CCDC150: variants seen among roughly 807,000 people sequenced by gnomAD.
CCDC150 encodes coiled-coil domain-containing protein 150.
A neutral mutation model predicts 156.5 loss-of-function variants in CCDC150; 151 were observed. The observed-to-expected ratio is 0.97, with a 90% CI of 0.85 to 1.10. CCDC150 has a LOEUF of 1.10. CCDC150 is among the 50% of genes least tolerant of loss of function. The probability of loss-of-function intolerance (pLI) is 0.00; values close to 1 mark genes in which losing one functional copy is unlikely to be tolerated. For synonymous variants in CCDC150, 452 were observed against 429.4 expected (o/e 1.05, Z -0.65); for missense variants, 1,312 against 1,268.1 (o/e 1.03, Z -0.53).
intron 13 of CCDC150, among the ~76,000 whole-genome samples, chr2:196,687,844 A>G (rs1695208074): frequency 6.6e-6 from 1 of 152,064 alleles, no homozygotes; most frequent in South Asian, 2.1e-4. Context: ...AGTCCCATTT[A>G]TTTAACAGGG....
intron 1 of CCDC150, among the ~76,000 whole-genome samples, chr2:196,641,432 T>C (rs1692225250): frequency 6.6e-6 from 1 of 152,200 alleles, no homozygotes; most frequent in South Asian, 2.1e-4. Context: ...TTCTGGGCCT[T>C]TCTGCCCTCT....
chr2:196,714,252 A>C (rs745342902), intron 17 of CCDC150, among the ~76,000 whole-genome samples: 11 of 152,320 alleles, frequency 7.2e-5, no homozygotes, highest in Non-Finnish European at 1.5e-4. Context: ...AAACGATGAA[A>C]GAACTCCATA....
intron 15 of CCDC150, among the ~76,000 whole-genome samples, chr2:196,704,455 A>T (rs1696454744): frequency 6.6e-6 from 1 of 152,166 alleles, no homozygotes; most frequent in African/African-American, 2.4e-5. Context: ...AATTCTTAGG[A>T]GTAGAATTAC....
intron 7 of CCDC150, among the ~76,000 whole-genome samples, chr2:196,668,446 T>G (rs959951429): frequency 2.6e-5 from 4 of 152,180 alleles, no homozygotes; most frequent in African/African-American, 9.6e-5. Context: ...CTTGTTGGAT[T>G]AATGCTTTAT....
rs764312731 is a variant in CCDC150 at position 196,729,251 on chromosome 2, G to A, written c.2615G>A (p.Arg872Gln). 61 of 1,613,716 alleles carry A rather than the reference G, an allele frequency of 3.8e-5. No individual in the cohort carries two copies. Among genetic ancestry groups the A allele is most frequent in the East Asian group, 8.9e-5 (4 of 44,886 alleles). ...FRSVEVSRTN[R>Q]ELRQKLAELE... is the part of the protein sequence containing the mutation. The stretch of plus-strand genomic sequence containing the variant: ...TCAGTGGAAGTGTCCCGGACCAACC[G>A]AGAGCTGCGACAGAAACTTGCAGAG... The change falls in exon 23 of 28, where the codon CGA (arginine) becomes CAA (glutamine). Residue 872 changes from arginine to glutamine, a missense_variant. Transcript: ENST00000389175.
At chr2:196,644,741 T>G (rs1407708357) in intron 1 of CCDC150, among the ~76,000 whole-genome samples, 1 of 152,058 alleles carries the variant, frequency 6.6e-6, no homozygotes, top group African/African-American at 2.4e-5. Flanking sequence ...ATCTAAAGAA[T>G]GCAAAAAGCT....
chr2:196,652,044 A>G (rs991598990), intron 2 of CCDC150, among the ~76,000 whole-genome samples: 1 of 152,168 alleles, frequency 6.6e-6, no homozygotes, highest in Non-Finnish European at 1.5e-5. Context: ...CAAGCCGTTC[A>G]TGAGGGATCT....
In CCDC150 at chr2:196,672,429, A is replaced by G. The variant is rs539785078; in HGVS notation, c.1021A>G (p.Lys341Glu). Residue 341 changes from lysine (K) to glutamate (E), a missense_variant, in exon 9 of 28, where the codon AAA becomes GAA. Physicochemically the swap from Lys to Glu is moderately conservative, Grantham distance 56. Coordinates refer to ENST00000389175, the MANE Select transcript of CCDC150 (RefSeq NM_001080539.2). ...EIMSLHEASE[K>E]AQVLNDQLTK... ...AATGTCTCTTCATGAAGCATCAGAA[A>G]AAGCACAAGTAAATGCTCATGATTT... 121 of 1,503,898 alleles carry G rather than the reference A, an allele frequency of 8.0e-5. No homozygotes were observed. Among genetic ancestry groups the G allele is most frequent in the Non-Finnish European group, 1.0e-4 (118 of 1,124,126 alleles). The allele number at this position is 1,503,898 out of a possible 1,614,324, so 93.2% of individuals were successfully genotyped here.
intron 22 of CCDC150, 131 bp from the exon 23 acceptor site, chr2:196,729,062 A>G: frequency 1.3e-6 from 1 of 788,122 alleles, no homozygotes; most frequent in South Asian, 1.9e-5. Context: ...GCTTAATCAG[A>G]CATTATTATT....
intron 2 of CCDC150, among the ~76,000 whole-genome samples, chr2:196,653,537 C>T (rs1245510691): frequency 3.3e-5 from 5 of 152,194 alleles, no homozygotes; most frequent in South Asian, 2.1e-4. Context: ...TCATTTTCAT[C>T]TGAGACCTCA....
At chr2:196,653,122 A>G (rs752406351) in intron 2 of CCDC150, among the ~76,000 whole-genome samples, 3 of 152,186 alleles carry the variant, frequency 2.0e-5, no homozygotes, top group Non-Finnish European at 4.4e-5. Flanking sequence ...CCTTTTTCCC[A>G]TTGCGTTGGC....
intron 17 of CCDC150, among the ~76,000 whole-genome samples, chr2:196,714,868 T>C (rs1010760893): frequency 2.0e-5 from 3 of 152,210 alleles, no homozygotes; most frequent in Admixed American, 6.5e-5. Context: ...TCTTGTATAC[T>C]TTTCTAGAAC....
chr2:196,718,419 T>G, intron 17 of CCDC150, 84 bp from the exon 18 acceptor site: 1 of 1,090,362 alleles, frequency 9.2e-7, no homozygotes. Context: ...TATTTAAACA[T>G]TTAAAATTTG....
chr2:196,723,103 G>A (rs902286857), intron 21 of CCDC150, among the ~76,000 whole-genome samples: 6 of 152,212 alleles, frequency 3.9e-5, no homozygotes, highest in Non-Finnish European at 8.8e-5. Flanking sequence ...GACAGAGCAG[G>A]TTTTGGAGAA....
chr2:196,721,300 T>A (rs1275941853), intron 20 of CCDC150, among the ~76,000 whole-genome samples: 1 of 101,312 alleles, frequency 9.9e-6, no homozygotes, highest in Non-Finnish European at 2.0e-5. Flanking sequence ...CATTGCCTTC[T>A]AAGTGTTTCC....
intron 5 of CCDC150, among the ~76,000 whole-genome samples, chr2:196,664,071 G>A (rs144908248): frequency 7.8e-4 from 118 of 151,966 alleles, no homozygotes; most frequent in Non-Finnish European, 1.5e-3. Context: ...AGGTCAGTGT[G>A]CCTCCAAAAC....
At chr2:196,713,900 T>C (rs974389004) in intron 17 of CCDC150, among the ~76,000 whole-genome samples, 3 of 152,164 alleles carry the variant, frequency 2.0e-5, no homozygotes, top group African/African-American at 7.2e-5. Flanking sequence ...CTACTGAGTT[T>C]TTTATATAAT....
At chr2:196,666,934 T>G in intron 7 of CCDC150, 86 bp downstream of exon 7, 1 of 1,448,468 alleles carries the variant, frequency 6.9e-7, no homozygotes, top group Non-Finnish European at 9.7e-7. Flanking sequence ...ATTCTTAAAG[T>G]GGCCAGTGTT....
At chr2:196,653,779 T>A (rs1693019601) in intron 2 of CCDC150, among the ~76,000 whole-genome samples, 1 of 152,226 alleles carries the variant, frequency 6.6e-6, no homozygotes, top group Non-Finnish European at 1.5e-5. Context: ...CCTCACTCTT[T>A]GTTACCAACA....
Sources: allele counts gnomAD v4.1 joint callset (sites outside exome capture counted in the v4.1 genomes callset), GRCh38; gene constraint gnomAD v4.1.1; transcripts MANE v1.5; gene names NCBI Gene and HGNC (gene_info 2026-07-23, HGNC 2026-07-21).